The following CARNS1 variants were observed in gnomAD, a reference collection of about 807,000 sequenced individuals.
The protein encoded by CARNS1 is carnosine synthase 1.
A neutral mutation model predicts 74.0 loss-of-function variants in CARNS1; 61 were observed. The ratio of observed to expected loss-of-function variants is 0.82; its 90% CI spans 0.67 to 1.02. CARNS1 has a LOEUF of 1.02. Among genes scored for constraint, CARNS1 ranks in the 50% least tolerant of loss-of-function variants. The probability of loss-of-function intolerance (pLI) is 0.00; values close to 1 mark genes in which losing one functional copy is unlikely to be tolerated. For synonymous variants in CARNS1, 568 were observed against 605.5 expected (o/e 0.94, Z 0.91); for missense variants, 1,278 against 1,308.4 (o/e 0.98, Z 0.36).
Position 67,416,646 on chromosome 11 carries a change from G to A in CARNS1, c.3+444G>A, listed in dbSNP as rs569670906. ...CTCACGACTTGCTCAAGGTGGCCGA[G>A]CCTGTCCCCTGGAGGACAGACTCAG... On this transcript the variant is annotated intron_variant, in intron 2 of 9. Coordinates refer to ENST00000687366, the MANE Select transcript of CARNS1 (RefSeq NM_001166222.2). 363 of 998,642 alleles carry A rather than the reference G, an allele frequency of 3.6e-4. 1 individual carries two copies. The highest frequency in any genetic ancestry group is 5.9e-4 in the Admixed American group (10 of 17,078). 61.9% of individuals were successfully genotyped at this position (998,642 alleles called of 1,614,324 possible).
At position 67,421,000 on chromosome 11, in the gene CARNS1, C is replaced by T. The variant is rs1863681557; in HGVS notation, c.1407C>T (p.Asn469=). 1.4e-5 allele frequency: 20 copies of T among 1,420,262 alleles called. No individual in the cohort carries two copies. In the East Asian group the frequency reaches 5.0e-4, roughly 36 times the overall value. 88.0% of individuals were successfully genotyped at this position (1,420,262 alleles called of 1,614,324 possible). A position where few individuals can be genotyped will look rare whatever the true frequency, so the allele number is the denominator to read the frequency against. ...TGACCCCAGTGGCCCTGGAGCTGAA[C>T]GGCGGCCTGTGTCTGGAGGCGTGCG... ...GVLTPVALEL[N]GGLCLEACGA... is the part of the protein sequence containing the mutation. The change falls in exon 9 of 10, where the codon AAC becomes AAT. Residue 469 remains asparagine (N), a synonymous_variant. Transcript: ENST00000687366.
intron 9 of CARNS1, among the ~76,000 whole-genome samples, chr11:67,421,956 C>G (rs545844758): frequency 6.6e-6 from 1 of 151,514 alleles, no homozygotes; most frequent in South Asian, 2.1e-4. Flanking sequence ...GGCGTGATCT[C>G]GGCTCACTGC....
chr11:67,419,298 C>T, intron 5 of CARNS1, 55 bp downstream of exon 5: 1 of 1,467,196 alleles, frequency 6.8e-7, no homozygotes, highest in Non-Finnish European at 9.0e-7. Flanking sequence ...GGATGGGACC[C>T]AGGCACGGTT....
At chr11:67,421,399 C>A (rs986678487) in intron 9 of CARNS1, among the ~76,000 whole-genome samples, 180 bp downstream of exon 9, 12 of 152,186 alleles carry the variant, frequency 7.9e-5, no homozygotes, top group Non-Finnish European at 2.9e-5. Context: ...AGGGCGGAGT[C>A]CGCCGCCCGG....
In CARNS1 at chr11:67,420,967, C is replaced by T; in HGVS notation, c.1374C>T (p.Gly458=). The change falls in exon 9 of 10, where the codon GGC becomes GGT. Residue 458 remains glycine (G), a synonymous_variant. Coordinates refer to ENST00000687366, the MANE Select transcript of CARNS1 (RefSeq NM_001166222.2). Reference sequence around the variant, plus strand: ...TGGATTTCGCGCTGACAGCGGCCGGCGGCGTGCTGACCCCAGTGGCCCTGG... The same window carrying T: ...TGGATTTCGCGCTGACAGCGGCCGGTGGCGTGCTGACCCCAGTGGCCCTGG... ...LGVDFALTAA[G]GVLTPVALEL... The T allele has an allele frequency of 1.4e-6, 2 of 1,425,066 alleles. No individual in the cohort carries two copies. Among genetic ancestry groups the T allele is most frequent in the South Asian group, 1.4e-5 (1 of 73,156 alleles). The allele number at this position is 1,425,066 out of a possible 1,614,324, so 88.3% of individuals were successfully genotyped here.
chr11:67,419,264 C>G (rs1265985973), intron 5 of CARNS1, 21 bp downstream of exon 5: 1 of 1,469,586 alleles, frequency 6.8e-7, no homozygotes, highest in Admixed American at 2.4e-5. Flanking sequence ...CTCGCCCACC[C>G]TGAGGTCTGT....
At chr11:67,416,405 T>G in intron 2 of CARNS1, 1 of 1,403,458 alleles carries the variant, frequency 7.1e-7, no homozygotes, top group Non-Finnish European at 9.3e-7. Context: ...CATTCATTCA[T>G]TCCATGGCCC....
Position 67,419,470 on chromosome 11 carries a change from TC to T in CARNS1, c.853-13del. 2.5e-6 allele frequency: 4 copies of T among 1,610,706 alleles called. No homozygotes were observed. Among genetic ancestry groups the T allele is most frequent in the Non-Finnish European group, 2.5e-6 (3 of 1,179,110 alleles). The stretch of plus-strand genomic sequence containing the variant: ...TGGGGTGGTGTCCAGGAGGCCCCTT[TC>T]CCCTCCTTGCTGCAGGTAGCTGTGA... On this transcript the variant is annotated splice_polypyrimidine_tract_variant and intron_variant, in intron 5 of 9. Coordinates refer to ENST00000687366, the MANE Select transcript of CARNS1 (RefSeq NM_001166222.2).
intron 7 of CARNS1, 25 bp downstream of exon 7, chr11:67,419,863 G>C: frequency 2.6e-6 from 4 of 1,556,896 alleles, no homozygotes; most frequent in Non-Finnish European, 3.5e-6. Context: ...GGCCCAGGCT[G>C]TGACCCTGCC....
In CARNS1 at chr11:67,424,335, A is replaced by C; in HGVS notation, c.2587A>C (p.Met863Leu). Residue 863 changes from methionine to leucine, a missense_variant, in exon 10 of 10, where the codon ATG becomes CTG. Met to Leu is a conservative substitution (Grantham distance 15, BLOSUM62 2). Coordinates refer to ENST00000687366, the MANE Select transcript of CARNS1 (RefSeq NM_001166222.2). Reference protein sequence around the residue: ...PRARGHLVGVMCLVSQHLQAL... With the variant: ...PRARGHLVGVLCLVSQHLQAL... ...TGCTCGTGGCCATCTGGTGGGCGTC[A>C]TGTGCCTTGTGTCCCAGCACCTGCA... is the stretch of plus-strand genomic sequence containing the variant. 1 of 1,609,382 alleles carries C rather than the reference A, an allele frequency of 6.2e-7. No homozygotes were observed. The highest frequency in any genetic ancestry group is 1.3e-5 in the African/African-American group (1 of 74,978).
chr11:67,423,981 C>T lies in CARNS1; in HGVS notation c.2233C>T (p.Leu745=). 2 of 1,613,356 alleles carry T rather than the reference C, an allele frequency of 1.2e-6. No homozygotes were observed. Among genetic ancestry groups the T allele is most frequent in the Non-Finnish European group, 8.5e-7 (1 of 1,179,836 alleles). ...CCTGGTGTTGTTTGGTGGGCGGTTG[C>T]TGGCTGCCTTTGTCTCCGACAATGG... ...VDLVLFGGRL[L]AAFVSDNGPT... Residue 745 remains leucine (L), a synonymous_variant, in exon 10 of 10, where the codon CTG becomes TTG. Transcript: ENST00000687366. The surrounding 1 kb of genome is among the most constrained non-coding windows in gnomAD (Gnocchi z 5.1).
At chr11:67,422,923 G>A (rs905536316) in intron 9 of CARNS1, among the ~76,000 whole-genome samples, 19 of 152,208 alleles carry the variant, frequency 1.2e-4, no homozygotes, top group African/African-American at 4.6e-4. Context: ...GGATTCCTCC[G>A]TGGACACTTC....
At position 67,419,033 on chromosome 11, in the gene CARNS1, G is replaced by A; in HGVS notation, c.642G>A (p.Leu214=). The A allele has an allele frequency of 1.9e-6, 3 of 1,557,490 alleles. No individual in the cohort carries two copies. The East Asian group carries it at 7.2e-5, about 38-fold the overall frequency. The change falls in exon 5 of 10, where the codon CTG becomes CTA. Residue 214 remains leucine, a synonymous_variant. Transcript: ENST00000687366. The part of the protein sequence containing the change: ...AELARLLEDR[L]LTRQLLAQQG... ...TGGCCCGGCTGCTGGAGGACCGGCTGCTGACAAGGCAGTTGCTGGCCCAGC... is the reference window on the plus strand; with the variant it reads ...TGGCCCGGCTGCTGGAGGACCGGCTACTGACAAGGCAGTTGCTGGCCCAGC...
Position 67,423,398 on chromosome 11 carries a change from C to T in CARNS1, c.1650C>T (p.Pro550=). 6.2e-7 allele frequency: 1 copy of T among 1,608,266 alleles called. No individual in the cohort carries two copies. Among genetic ancestry groups the T allele is most frequent in the East Asian group, 2.2e-5 (1 of 44,758 alleles). ...AGCTGCACCTCGTGGAGTCAGACCCCAACCACTTTGCATCCCAGTTGGTAC... is the reference window on the plus strand; with the variant it reads ...AGCTGCACCTCGTGGAGTCAGACCCTAACCACTTTGCATCCCAGTTGGTAC... ...GLQLHLVESD[P]NHFASQLVQT... Residue 550 remains proline (P), a synonymous_variant, in exon 10 of 10, where the codon CCC becomes CCT. Transcript: ENST00000687366. The surrounding 1 kb of genome is among the most constrained non-coding windows in gnomAD (Gnocchi z 5.1).
chr11:67,418,751 C>T lies in CARNS1; in HGVS notation c.365-5C>T. On this transcript the variant is annotated splice_region_variant and splice_polypyrimidine_tract_variant and intron_variant, in intron 4 of 9. Coordinates refer to ENST00000687366, the MANE Select transcript of CARNS1 (RefSeq NM_001166222.2). The stretch of plus-strand genomic sequence containing the variant: ...TGGCCAGCCACTTGCCTTCTCTGCC[C>T]ACAGGAAACATGCTCCTTTGCCTGT... 6.3e-7 allele frequency: 1 copy of T among 1,578,384 alleles called. No homozygotes were observed. The highest frequency in any genetic ancestry group is 1.2e-5 in the South Asian group (1 of 86,178).
chr11:67,416,915 A>G (rs1590956449), intron 2 of CARNS1: 1 of 987,268 alleles, frequency 1.0e-6, no homozygotes, highest in African/African-American at 1.7e-5. Context: ...ATGACAGTGG[A>G]ATCACATTTA....
In CARNS1 at chr11:67,417,457, G is replaced by C; in HGVS notation, c.54G>C (p.Lys18Asn). ...GPEWDCPLGSKDLEEEGPWGG... is the reference protein window; with the variant it reads ...GPEWDCPLGSNDLEEEGPWGG... ...AGTGGGATTGCCCACTGGGCTCCAA[G>C]GACCTGGAGGAAGAGGGCCCCTGGG... Residue 18 changes from lysine to asparagine, a missense_variant, in exon 3 of 10, where the codon AAG becomes AAC. By Grantham distance (94) the Lys-to-Asn change is moderately conservative. Around this residue, in one of 3 missense-constraint regions of CARNS1, gnomAD observed 104 missense variants for 127.3 expected, o/e 0.82. Coordinates refer to ENST00000687366, the MANE Select transcript of CARNS1 (RefSeq NM_001166222.2). 1 of 1,442,994 alleles carries C rather than the reference G, an allele frequency of 6.9e-7. No individual in the cohort carries two copies. 89.4% of individuals were successfully genotyped at this position (1,442,994 alleles called of 1,614,324 possible).
chr11:67,422,171 CTTT>C (rs35293042), intron 9 of CARNS1, among the ~76,000 whole-genome samples: 2 of 72,784 alleles, frequency 2.7e-5, no homozygotes, highest in African/African-American at 8.7e-5. Context: ...CGCGCCCGGC[CTTT>C]TTTTTTTTTT....
In CARNS1 at chr11:67,421,099, G is replaced by C; in HGVS notation, c.1506G>C (p.Val502=). The change falls in exon 9 of 10, where the codon GTG becomes GTC. Residue 502 remains valine (V), a synonymous_variant. Transcript: ENST00000687366. ...AADEAVAAPL[V]ETMLRRSARC... Reference sequence around the variant, plus strand: ...ACGAGGCGGTGGCGGCGCCGCTGGTGGAGACCATGCTTCGGCGGTCGGCGC... The same window carrying C: ...ACGAGGCGGTGGCGGCGCCGCTGGTCGAGACCATGCTTCGGCGGTCGGCGC... 1 of 1,437,476 alleles carries C rather than the reference G, an allele frequency of 7.0e-7. No individual in the cohort carries two copies. 89.0% of individuals were successfully genotyped at this position (1,437,476 alleles called of 1,614,324 possible). A position where few individuals can be genotyped will look rare whatever the true frequency, so the allele number is the denominator to read the frequency against.
Sources: gnomAD v4.1 joint callset for allele counts (sites outside exome capture counted in the v4.1 genomes callset) on GRCh38, gnomAD v4.1.1 for gene constraint, gnomAD v4.1.1 regional missense constraint, Gnocchi (gnomAD v3.1) non-coding constraint, MANE v1.5 for transcripts, NCBI Gene and HGNC (gene_info 2026-07-23, HGNC 2026-07-21) for gene names.